CNTNAP3: variants seen among roughly 807,000 people sequenced by gnomAD.
The protein encoded by CNTNAP3 is contactin associated protein family member 3.
In CNTNAP3, 36 loss-of-function variants were observed where a neutral mutation model predicts 92.1. The observed-to-expected ratio is 0.39, with a 90% CI of 0.30 to 0.52. The LOEUF is 0.52. Among genes scored for constraint, CNTNAP3 ranks in the 20% least tolerant of loss-of-function variants. CNTNAP3 has a pLI of 0.76. For synonymous variants in CNTNAP3, 232 were observed against 422.3 expected (o/e 0.55, Z 5.53); for missense variants, 534 against 1,069.6 (o/e 0.50, Z 6.98).
rs192602569 is a variant in CNTNAP3 at position 39,114,345 on chromosome 9, A to G, written c.2237+3758T>C. 4.5e-3 allele frequency among the ~76,000 whole-genome samples: 680 copies of G among 152,240 alleles called. 1 individual carries two copies. Among genetic ancestry groups the G allele is most frequent in the African/African-American group, 0.016 (655 of 41,548 alleles). ...CGTGATCTGCCCGCCTCAGCCTCCC[A>G]AAGTGCTGGGATTACAGGCGTGAGC... On this transcript the variant is annotated intron_variant, in intron 14 of 23. Transcript: ENST00000297668.
At chr9:39,143,501 G>A (rs1821627528) in intron 11 of CNTNAP3, among the ~76,000 whole-genome samples, 1 of 152,064 alleles carries the variant, frequency 6.6e-6, no homozygotes, top group South Asian at 2.1e-4. Flanking sequence ...CTAGCTGGGG[G>A]CCAAGTTACT....
chr9:39,151,340 G>A lies in CNTNAP3; in HGVS notation c.1478-1363C>T, dbSNP rs550972507. 8.8e-5 allele frequency among the ~76,000 whole-genome samples: 13 copies of A among 147,540 alleles called. 1 individual carries two copies. The South Asian group carries it at 1.1e-3, about 13-fold the overall frequency. On this transcript the variant is annotated intron_variant, in intron 9 of 23. Coordinates refer to ENST00000297668, the MANE Select transcript of CNTNAP3 (RefSeq NM_033655.5). ...GAGGCCAAGGCGGGCGGATCATGAC[G>A]TCAGGAGATCGAGACCATCCTGGCT...
At position 39,117,970 on chromosome 9, in the gene CNTNAP3, A is replaced by T. The variant is rs550465292; in HGVS notation, c.2237+133T>A. On this transcript the variant is annotated intron_variant, in intron 14 of 23. Transcript: ENST00000297668. ...TTAGATTAACTGATCATATTTCATC[A>T]AAACTTGTATTTCAGCTTGCTTGAA... 2.4e-4 allele frequency: 362 copies of T among 1,531,398 alleles called. 2 individuals carry two copies. In the African/African-American group the frequency reaches 4.6e-3, roughly 20 times the overall value. The allele number at this position is 1,531,398 out of a possible 1,614,324, so 94.9% of individuals were successfully genotyped here.
intron 18 of CNTNAP3, among the ~76,000 whole-genome samples, chr9:39,093,371 G>A (rs1456916466): frequency 6.9e-6 from 1 of 144,688 alleles, no homozygotes; most frequent in Non-Finnish European, 1.5e-5. Flanking sequence ...ATACTTTGGG[G>A]TAAAATATAT....
rs187469621 is a variant in CNTNAP3 at position 39,130,544 on chromosome 9, G to C, written c.2080+2388C>G. 6.6e-3 allele frequency among the ~76,000 whole-genome samples: 863 copies of C among 131,286 alleles called. 6 individuals carry two copies. The highest frequency in any genetic ancestry group is 0.025 in the African/African-American group (823 of 33,516). 86.1% of individuals were successfully genotyped at this position (131,286 alleles called of 152,430 possible). On this transcript the variant is annotated intron_variant, in intron 13 of 23. Transcript: ENST00000297668. ...AGATGGAACGGAGTCTTGCTCTGTC[G>C]CCCAGGCTGGAGTGCAGTGGCGCCA...
intron 19 of CNTNAP3, 142 bp downstream of exon 19, chr9:39,088,281 C>G (rs532801444): frequency 1.9e-4 from 149 of 765,742 alleles, no homozygotes; most frequent in Non-Finnish European, 3.0e-4. Flanking sequence ...ACCATTAAGG[C>G]AGGCACTGAA....
intron 10 of CNTNAP3, among the ~76,000 whole-genome samples, chr9:39,146,668 G>A (rs920201891): frequency 2.6e-4 from 39 of 152,178 alleles, no homozygotes; most frequent in Admixed American, 6.5e-4. Flanking sequence ...CAGCCTGGGC[G>A]ACAGAGCGAG....
chr9:39,085,026 A>G, intron 21 of CNTNAP3: 1 of 142,522 alleles, frequency 7.0e-6, no homozygotes, highest in African/African-American at 2.6e-5. Context: ...ATATTATTCA[A>G]CTTTTTGATC....
chr9:39,093,265 T>G (rs1758509), intron 18 of CNTNAP3, among the ~76,000 whole-genome samples: 1 of 142,890 alleles, frequency 7.0e-6, no homozygotes, highest in Non-Finnish European at 1.5e-5. Flanking sequence ...TTTCTATGTG[T>G]TTCATTTGTT....
chr9:39,069,046 C>T lies in CNTNAP3; in HGVS notation c.*4844G>A, dbSNP rs1220498321. Among the ~76,000 whole-genome samples, 10 of 152,244 alleles carry T rather than the reference C, an allele frequency of 6.6e-5. No individual in the cohort carries two copies. Among genetic ancestry groups the T allele is most frequent in the Admixed American group, 6.5e-4 (10 of 15,282 alleles). On this transcript the variant is annotated 3_prime_UTR_variant, in exon 24 of 24. Transcript: ENST00000297668. ...CATATATATATGTATGTATATAACACACATGAATCATATCCTAAAGATTTG... is the reference window on the plus strand; with the variant it reads ...CATATATATATGTATGTATATAACATACATGAATCATATCCTAAAGATTTG...
At position 39,100,112 on chromosome 9, in the gene CNTNAP3, T is replaced by A. The variant is rs754990052; in HGVS notation, c.2794A>T (p.Ile932Phe). ...ATRQRGFLGC[I>F]RSLQLNGVAL... ...ACCCCGTTCAACTGCAGAGACCGAA[T>A]GCATCCTAGAAAGCCTCTCTGTCTG... Residue 932 changes from isoleucine (I) to phenylalanine (F), a missense_variant, in exon 18 of 24, where the codon ATT (isoleucine) becomes TTT (phenylalanine). Coordinates refer to ENST00000297668, the MANE Select transcript of CNTNAP3 (RefSeq NM_033655.5). 8 of 1,587,786 alleles carry A rather than the reference T, an allele frequency of 5.0e-6. No individual in the cohort carries two copies. The Admixed American group carries it at 1.2e-4, about 25-fold the overall frequency.
intron 18 of CNTNAP3, among the ~76,000 whole-genome samples, chr9:39,090,916 G>A (rs1474493034): frequency 6.6e-6 from 1 of 152,150 alleles, no homozygotes; most frequent in Admixed American, 6.5e-5. Context: ...TAAATGTATT[G>A]CTATGTATGT....
chr9:39,119,205 A>C (rs1820941936), intron 13 of CNTNAP3, among the ~76,000 whole-genome samples: 1 of 152,098 alleles, frequency 6.6e-6, no homozygotes, highest in African/African-American at 2.4e-5. Flanking sequence ...CTGTTTTTCA[A>C]ATTTCAATAG....
intron 20 of CNTNAP3, chr9:39,086,381 A>C (rs1275534368): frequency 6.7e-6 from 2 of 300,542 alleles, no homozygotes; most frequent in Non-Finnish European, 1.2e-5. Flanking sequence ...TGCAGTATCA[A>C]TGAATAGATT....
At chr9:39,098,983 T>C (rs575725304) in intron 18 of CNTNAP3, among the ~76,000 whole-genome samples, 2 of 151,928 alleles carry the variant, frequency 1.3e-5, no homozygotes, top group African/African-American at 4.8e-5. Flanking sequence ...TCTTTTTTTT[T>C]TTTTTCCCCA....
intron 10 of CNTNAP3, among the ~76,000 whole-genome samples, chr9:39,146,749 ACT>A (rs1473082958): frequency 2.0e-5 from 3 of 151,592 alleles, no homozygotes; most frequent in Non-Finnish European, 4.4e-5. Context: ...ATTATTTGTG[ACT>A]CTGTCATCCA....
At chr9:39,117,986 C>T in intron 14 of CNTNAP3, 117 bp downstream of exon 14, 2 of 1,557,012 alleles carry the variant, frequency 1.3e-6, no homozygotes, top group Admixed American at 2.0e-5. Context: ...TGTATTTCAG[C>T]TTGCTTGAAC....
chr9:39,068,983 A>C lies in CNTNAP3; in HGVS notation c.*4907T>G, dbSNP rs1825575827. ...ACTCCATCTTAGCCAGAAGTAAAAT[A>C]AGAAAAAGAAATATATGTAAGTATA... On this transcript the variant is annotated 3_prime_UTR_variant, in exon 24 of 24. Coordinates refer to ENST00000297668, the MANE Select transcript of CNTNAP3 (RefSeq NM_033655.5). 6.6e-6 allele frequency among the ~76,000 whole-genome samples: 1 copy of C among 152,120 alleles called. No homozygotes were observed. The highest frequency in any genetic ancestry group is 2.4e-5 in the African/African-American group (1 of 41,426).
At chr9:39,123,645 A>C (rs1369678065) in intron 13 of CNTNAP3, among the ~76,000 whole-genome samples, 4 of 152,092 alleles carry the variant, frequency 2.6e-5, no homozygotes, top group Admixed American at 6.5e-5. Flanking sequence ...CTTAAAATTA[A>C]AATAAAATCT....
Sources: allele counts gnomAD v4.1 joint callset (sites outside exome capture counted in the v4.1 genomes callset), GRCh38; gene constraint gnomAD v4.1.1; transcripts MANE v1.5; gene names NCBI Gene and HGNC (gene_info 2026-07-23, HGNC 2026-07-21).